Variants in PRKAR2B observed in about 807,000 individuals in gnomAD.
PRKAR2B encodes the protein protein kinase cAMP-dependent type II regulatory subunit beta, also known as cAMP-dependent protein kinase type II-beta regulatory subunit.
Under a neutral mutation model 49.9 loss-of-function variants are expected in PRKAR2B, and 14 were observed. That is an observed-to-expected ratio of 0.28 (90% CI 0.19 to 0.44). The LOEUF (loss-of-function observed/expected upper bound fraction) is 0.44, where lower values mean the gene tolerates loss of function less well. PRKAR2B is among the 20% of genes least tolerant of loss of function. The pLI is 1.00. For synonymous variants in PRKAR2B, 196 were observed against 197.7 expected, an observed-to-expected ratio of 0.99 and a Z score of 0.07; for missense variants, 393 against 537.9, an observed-to-expected ratio of 0.73 and a Z score of 2.67.
chr7:107,071,554 G>T (rs1794277565), intron 2 of PRKAR2B, among the ~76,000 whole-genome samples: 1 of 152,180 alleles, frequency 6.6e-6, no homozygotes, highest in Non-Finnish European at 1.5e-5. Context: ...TATCAAGTGT[G>T]ATCATATTCT....
At chr7:107,153,150 T>G (rs1361178741) in intron 7 of PRKAR2B, 27 bp from the exon 8 acceptor site, 2 of 1,573,730 alleles carry the variant, frequency 1.3e-6, no homozygotes, top group East Asian at 4.5e-5. Flanking sequence ...TTTGTTTCTA[T>G]TTAATATTGT....
intron 5 of PRKAR2B, among the ~76,000 whole-genome samples, chr7:107,143,002 A>C (rs984077757): frequency 6.6e-6 from 1 of 152,184 alleles, no homozygotes; most frequent in Non-Finnish European, 1.5e-5. Context: ...CCTTCAGGTA[A>C]TCCGCCTGCC....
At chr7:107,147,808 G>A (rs1449220465) in intron 6 of PRKAR2B, among the ~76,000 whole-genome samples, 1 of 152,182 alleles carries the variant, frequency 6.6e-6, no homozygotes, top group African/African-American at 2.4e-5. Context: ...ATCCTTTTGT[G>A]GAAAGAGAAG....
intron 2 of PRKAR2B, among the ~76,000 whole-genome samples, chr7:107,094,703 T>A (rs940324029): frequency 2.6e-5 from 4 of 152,224 alleles, no homozygotes; most frequent in African/African-American, 9.6e-5. Flanking sequence ...AAGGAAGGGA[T>A]CCACTTTCAG....
At chr7:107,062,702 T>C (rs891753083) in intron 1 of PRKAR2B, among the ~76,000 whole-genome samples, 1 of 152,200 alleles carries the variant, frequency 6.6e-6, no homozygotes, top group African/African-American at 2.4e-5. Context: ...TTTCACATCT[T>C]TTTTTAAAAA....
rs115990406 is a variant in PRKAR2B at position 107,099,284 on chromosome 7, T to G, written c.344-22668T>G. ...TCTCAGACTTCTGTGCTAGCAGTGA[T>G]TGAGGCTGTGTGGGTGTTGGACCCT... is the stretch of plus-strand genomic sequence containing the variant. On this transcript the variant is annotated intron_variant, in intron 2 of 10. Transcript: ENST00000265717. 8.3e-3 allele frequency among the ~76,000 whole-genome samples: 1,266 copies of G among 152,262 alleles called. 22 individuals carry two copies. Among genetic ancestry groups the G allele is most frequent in the African/African-American group, 0.028 (1,175 of 41,556 alleles).
At chr7:107,057,707 A>G (rs1039433550) in intron 1 of PRKAR2B, among the ~76,000 whole-genome samples, 2 of 152,154 alleles carry the variant, frequency 1.3e-5, no homozygotes, top group African/African-American at 4.8e-5. Flanking sequence ...TCTCAGAGGG[A>G]TGTTTTGAGA....
At position 107,045,115 on chromosome 7, in the gene PRKAR2B, C is replaced by T; in HGVS notation, c.208C>T (p.Pro70Ser). ...DLGAAAGGGT[P>S]SKGVNFAEEP... ...GGGCGCCGCTGCCGGGGGCGGCACC[C>T]CCAGCAAGGGGGTCAACTTCGCCGA... Residue 70 changes from proline to serine, a missense_variant, in exon 1 of 11, where the codon CCC becomes TCC. Transcript: ENST00000265717. The T allele has an allele frequency of 6.6e-7, 1 of 1,525,432 alleles. No homozygotes were observed. Among genetic ancestry groups the T allele is most frequent in the South Asian group, 1.2e-5 (1 of 83,446 alleles). 94.5% of individuals were successfully genotyped at this position (1,525,432 alleles called of 1,614,324 possible). A position where few individuals can be genotyped will look rare whatever the true frequency, so the allele number is the denominator to read the frequency against.
At chr7:107,073,593 C>T (rs1355883649) in intron 2 of PRKAR2B, among the ~76,000 whole-genome samples, 2 of 152,182 alleles carry the variant, frequency 1.3e-5, no homozygotes, top group Non-Finnish European at 2.9e-5. Flanking sequence ...GAAAAACTGT[C>T]AGATGTCTTC....
At chr7:107,099,433 G>C (rs748637096) in intron 2 of PRKAR2B, among the ~76,000 whole-genome samples, 7 of 152,142 alleles carry the variant, frequency 4.6e-5, no homozygotes, top group Non-Finnish European at 8.8e-5. Flanking sequence ...CCTTTAGCTA[G>C]GAATGGGAAT....
chr7:107,157,208 A>G lies in PRKAR2B; in HGVS notation c.1007A>G (p.Asn336Ser), dbSNP rs1484299990. 2 of 1,613,482 alleles carry G rather than the reference A, an allele frequency of 1.2e-6. No individual in the cohort carries two copies. Among genetic ancestry groups the G allele is most frequent in the Non-Finnish European group, 1.7e-6 (2 of 1,179,760 alleles). The change falls in exon 10 of 11, where the codon AAT becomes AGT. Residue 336 changes from asparagine (N) to serine (S), a missense_variant. Around this residue, in one of 2 missense-constraint regions of PRKAR2B, gnomAD observed 233 missense variants for 390.4 expected, o/e 0.60. Coordinates refer to ENST00000265717, the MANE Select transcript of PRKAR2B (RefSeq NM_002736.3). ...KRKGKSEVEE[N>S]GAVEIARCSR... Reference sequence around the variant, plus strand: ...CAGGGTAAATCAGAAGTGGAAGAGAATGGTGCAGTAGAAATCGCTCGATGC... The same window carrying G: ...CAGGGTAAATCAGAAGTGGAAGAGAGTGGTGCAGTAGAAATCGCTCGATGC...
chr7:107,074,441 G>A (rs1286235206), intron 2 of PRKAR2B, among the ~76,000 whole-genome samples: 1 of 151,948 alleles, frequency 6.6e-6, no homozygotes, highest in Non-Finnish European at 1.5e-5. Context: ...TTTGTTTTTT[G>A]GAAGATTATT....
chr7:107,160,223 A>C lies in PRKAR2B; in HGVS notation c.*641A>C, dbSNP rs1407582492. 3.9e-5 allele frequency: 6 copies of C among 152,658 alleles called. No homozygotes were observed. Among genetic ancestry groups the C allele is most frequent in the African/African-American group, 1.4e-4 (6 of 41,462 alleles). 9.5% of individuals were successfully genotyped at this position (152,658 alleles called of 1,614,324 possible). ...TACATATTCCAGTGGTTTTATGGAC[A>C]GGCAATTTAGTCATTATGATAATAA... On this transcript the variant is annotated 3_prime_UTR_variant, in exon 11 of 11. Transcript: ENST00000265717.
intron 2 of PRKAR2B, among the ~76,000 whole-genome samples, chr7:107,076,686 CTT>C (rs1455769113): frequency 6.6e-6 from 1 of 152,092 alleles, no homozygotes; most frequent in African/African-American, 2.4e-5. Flanking sequence ...GTTAACCACT[CTT>C]TAATTTTTTG....
chr7:107,112,195 A>AAG (rs1795188761), intron 2 of PRKAR2B, among the ~76,000 whole-genome samples: 15 of 149,746 alleles, frequency 1.0e-4, no homozygotes, highest in Admixed American at 1.0e-3. Context: ...AAAAAAAAAA[A>AAG]AAAAAGAACC....
In PRKAR2B at chr7:107,044,840, C is replaced by T. The variant is rs1350721154; in HGVS notation, c.-68C>T. On this transcript the variant is annotated 5_prime_UTR_variant, in exon 1 of 11. Coordinates refer to ENST00000265717, the MANE Select transcript of PRKAR2B (RefSeq NM_002736.3). ...GCCGTAGGCGCTCGCTCGGCAGCCG[C>T]GGGGCCCTAGGCCGTGCCGGGGAGG... The T allele has an allele frequency of 2.4e-6, 3 of 1,263,278 alleles. No individual in the cohort carries two copies. The highest frequency in any genetic ancestry group is 6.3e-5 in the East Asian group (2 of 31,714). 78.3% of individuals were successfully genotyped at this position (1,263,278 alleles called of 1,614,324 possible).
At position 107,087,876 on chromosome 7, in the gene PRKAR2B, A is replaced by C. The variant is rs562634361; in HGVS notation, c.343+17560A>C. Among the ~76,000 whole-genome samples, 2 of 151,274 alleles carry C rather than the reference A, an allele frequency of 1.3e-5. 1 individual carries two copies. Among genetic ancestry groups the C allele is most frequent in the Non-Finnish European group, 3.0e-5 (2 of 67,350 alleles). The stretch of plus-strand genomic sequence containing the variant: ...GTACATCTCTGCCCTAACATCCCAC[A>C]TATGATAAAGTTTATACATTTTAAT... On this transcript the variant is annotated intron_variant, in intron 2 of 10. Transcript: ENST00000265717.
At chr7:107,109,118 G>A (rs904640510) in intron 2 of PRKAR2B, among the ~76,000 whole-genome samples, 1 of 152,160 alleles carries the variant, frequency 6.6e-6, no homozygotes, top group African/African-American at 2.4e-5. Flanking sequence ...AACCATGTAA[G>A]GTAACCTCCA....
intron 2 of PRKAR2B, among the ~76,000 whole-genome samples, chr7:107,109,113 T>C (rs971837713): frequency 7.9e-5 from 12 of 152,166 alleles, no homozygotes; most frequent in Non-Finnish European, 1.3e-4. Flanking sequence ...CCCAGAACCA[T>C]GTAAGGTAAC....
Sources: allele counts gnomAD v4.1 joint callset (sites outside exome capture counted in the v4.1 genomes callset), GRCh38; gene constraint gnomAD v4.1.1; regional missense constraint gnomAD v4.1.1; transcripts MANE v1.5; gene names NCBI Gene and HGNC (gene_info 2026-07-23, HGNC 2026-07-21).